HDAC9: variants seen among roughly 807,000 people sequenced by gnomAD.
The protein encoded by HDAC9 is MEF-2 interacting transcription repressor (MITR) protein.
A neutral mutation model predicts 139.4 loss-of-function variants in HDAC9; 41 were observed. That is an observed-to-expected ratio of 0.29 (90% CI 0.23 to 0.38). HDAC9 has a LOEUF of 0.38. Among genes scored for constraint, HDAC9 ranks in the 10% least tolerant of loss-of-function variants. The probability of loss-of-function intolerance (pLI) is 1.00; values close to 1 mark genes in which losing one functional copy is unlikely to be tolerated. For synonymous variants in HDAC9, 517 were observed against 476.2 expected (o/e 1.09, Z -1.12); for missense variants, 1,147 against 1,297.0 (o/e 0.88, Z 1.78).
At chr7:18,160,861 AC>A (rs1431877182) in intron 1 of HDAC9, among the ~76,000 whole-genome samples, 1 of 152,036 alleles carries the variant, frequency 6.6e-6, no homozygotes, top group African/African-American at 2.4e-5. Flanking sequence ...CAAGTGATGC[AC>A]CCACCTTGGT....
intron 2 of HDAC9, among the ~76,000 whole-genome samples, chr7:18,258,661 G>A (rs1795439395): frequency 6.6e-6 from 1 of 152,176 alleles, no homozygotes; most frequent in Non-Finnish European, 1.5e-5. Flanking sequence ...AGATTACACA[G>A]CTAATATGTT....
At chr7:18,264,014 G>A (rs1033991525) in intron 2 of HDAC9, among the ~76,000 whole-genome samples, 1 of 152,108 alleles carries the variant, frequency 6.6e-6, no homozygotes, top group African/African-American at 2.4e-5. Flanking sequence ...AGAAGACATA[G>A]GAATTGTAAA....
intron 11 of HDAC9, among the ~76,000 whole-genome samples, chr7:18,660,858 C>T (rs760386504): frequency 2.0e-5 from 3 of 151,992 alleles, no homozygotes; most frequent in East Asian, 3.9e-4. Context: ...CAACTAAGGT[C>T]GGAGAAGTTG....
At chr7:18,987,656 T>C (rs1468854280) in intron 25 of HDAC9, among the ~76,000 whole-genome samples, 1 of 152,174 alleles carries the variant, frequency 6.6e-6, no homozygotes, top group Admixed American at 6.5e-5. Flanking sequence ...CAGTTCCTCC[T>C]TGTACCTCTG....
In HDAC9 at chr7:18,204,044, T is replaced by G. The variant is rs1170001660; in HGVS notation, c.25+41695T>G. Among the ~76,000 whole-genome samples the G allele has an allele frequency of 4.6e-5, 7 of 152,194 alleles. No individual in the cohort carries two copies. The East Asian group carries it at 1.3e-3, about 29-fold the overall frequency. On this transcript the variant is annotated intron_variant, in intron 2 of 12. Coordinates refer to the HDAC9 transcript ENST00000417496. Reference sequence around the variant, plus strand: ...AAACAAAAGCTGATTGTAACCATCTTGCTTTTCCTAGTTAGATATCAATGG... The same window carrying G: ...AAACAAAAGCTGATTGTAACCATCTGGCTTTTCCTAGTTAGATATCAATGG...
At chr7:18,866,635 A>C (rs1387892258) in intron 21 of HDAC9, among the ~76,000 whole-genome samples, 1 of 152,196 alleles carries the variant, frequency 6.6e-6, no homozygotes, top group East Asian at 1.9e-4. Context: ...GGGACTCAAT[A>C]AATTACTTCT....
At chr7:18,231,972 CATT>C (rs1409464965) in intron 2 of HDAC9, among the ~76,000 whole-genome samples, 6 of 152,048 alleles carry the variant, frequency 3.9e-5, no homozygotes, top group South Asian at 2.1e-4. Context: ...AATGAGTTAA[CATT>C]GTTGTAATAT....
intron 11 of HDAC9, among the ~76,000 whole-genome samples, chr7:18,655,198 G>T (rs1227110024): frequency 6.6e-6 from 1 of 152,120 alleles, no homozygotes; most frequent in Non-Finnish European, 1.5e-5. Context: ...CATTAGTGTT[G>T]TCAGGTTTAA....
At chr7:18,139,819 A>G (rs1785757086) in intron 1 of HDAC9, among the ~76,000 whole-genome samples, 1 of 152,190 alleles carries the variant, frequency 6.6e-6, no homozygotes, top group Non-Finnish European at 1.5e-5. Flanking sequence ...GAAGAAGGCA[A>G]TGCGATCATG....
At chr7:18,483,802 G>T (rs1424321246) in intron 1 of HDAC9, among the ~76,000 whole-genome samples, 2 of 152,048 alleles carry the variant, frequency 1.3e-5, no homozygotes, top group African/African-American at 4.8e-5. Flanking sequence ...TTTATTACCA[G>T]AAAGGCTTAT....
At chr7:18,591,780 T>A in intron 5 of HDAC9, 138 bp downstream of exon 5, 1 of 1,153,750 alleles carries the variant, frequency 8.7e-7, no homozygotes, top group Non-Finnish European at 1.2e-6. Flanking sequence ...TCTCTAAGGA[T>A]CAGTTTCCTT....
intron 13 of HDAC9, among the ~76,000 whole-genome samples, chr7:18,747,324 G>T (rs1276090228): frequency 6.6e-6 from 1 of 152,156 alleles, no homozygotes; most frequent in Admixed American, 6.5e-5. Context: ...AATCTCAGAA[G>T]TCCAGATTAG....
At chr7:18,315,605 G>A (rs897435332) in intron 1 of HDAC9, among the ~76,000 whole-genome samples, 2 of 152,236 alleles carry the variant, frequency 1.3e-5, no homozygotes, top group Non-Finnish European at 2.9e-5. Context: ...CTGTAGAAAA[G>A]GATGAGTTAT....
At chr7:18,590,775 G>A (rs1249283079) in intron 4 of HDAC9, among the ~76,000 whole-genome samples, 1 of 152,122 alleles carries the variant, frequency 6.6e-6, no homozygotes, top group African/African-American at 2.4e-5. Flanking sequence ...TCTAATATAT[G>A]CCATCTTGTT....
At chr7:18,974,202 G>T (rs539880271) in intron 24 of HDAC9, among the ~76,000 whole-genome samples, 11 of 152,302 alleles carry the variant, frequency 7.2e-5, no homozygotes, top group African/African-American at 2.4e-4. Context: ...ATCAAGAAAA[G>T]ATTTGGAAAG....
Position 18,998,954 on chromosome 7 carries a change from C to T in HDAC9, c.*2892C>T, listed in dbSNP as rs1563122457. 6.6e-6 allele frequency: 1 copy of T among 152,068 alleles called. No homozygotes were observed. Among genetic ancestry groups the T allele is most frequent in the Non-Finnish European group, 1.5e-5 (1 of 67,992 alleles). The allele number at this position is 152,068 out of a possible 1,614,324, so 9.4% of individuals were successfully genotyped here. A position where few individuals can be genotyped will look rare whatever the true frequency, so the allele number is the denominator to read the frequency against. The stretch of plus-strand genomic sequence containing the variant: ...TGGGGCTGTATATTAAACTAAAAAA[C>T]ACAGACAGTTTTATTAAATAGTAAC... On this transcript the variant is annotated 3_prime_UTR_variant, in exon 26 of 26. Coordinates refer to ENST00000686413, the MANE Select transcript of HDAC9 (RefSeq NM_178425.4).
chr7:18,727,449 T>G (rs2129128725), intron 12 of HDAC9, 131 bp from the exon 13 acceptor site: 2 of 712,214 alleles, frequency 2.8e-6, no homozygotes, highest in East Asian at 6.4e-5. Flanking sequence ...TCTCTATTTT[T>G]TTTTTCTTTT....
At chr7:18,399,847 C>G (rs1787377436) in intron 1 of HDAC9, among the ~76,000 whole-genome samples, 1 of 152,212 alleles carries the variant, frequency 6.6e-6, no homozygotes, top group African/African-American at 2.4e-5. Flanking sequence ...ACCTGTGTAG[C>G]TGGCAAATCT....
At chr7:18,411,994 G>A (rs781154477) in intron 1 of HDAC9, among the ~76,000 whole-genome samples, 7 of 151,454 alleles carry the variant, frequency 4.6e-5, no homozygotes, top group Non-Finnish European at 8.8e-5. Flanking sequence ...CCCAGCTAAT[G>A]TTTGTATTTT....
Sources: allele counts gnomAD v4.1 joint callset (sites outside exome capture counted in the v4.1 genomes callset), GRCh38; gene constraint gnomAD v4.1.1; transcripts MANE v1.5; gene names NCBI Gene and HGNC (gene_info 2026-07-23, HGNC 2026-07-21).